Variants in NFE2L3 observed in about 807,000 individuals in gnomAD.
The protein encoded by NFE2L3 is NFE2 like bZIP transcription factor 3.
NFE2L3 carries 18 observed loss-of-function variants against 23.5 expected under a neutral mutation model. The ratio of observed to expected loss-of-function variants is 0.77; its 90% CI spans 0.53 to 1.13. The LOEUF (loss-of-function observed/expected upper bound fraction) is 1.13. Among genes scored for constraint, NFE2L3 ranks in the 50% most tolerant of loss-of-function variants. The pLI, the probability that NFE2L3 is intolerant of heterozygous loss-of-function variation, is 0.00. For missense variants in NFE2L3, 1,152 were observed against 877.2 expected (o/e 1.31, Z -3.96); for synonymous variants, 424 against 354.5 (o/e 1.20, Z -2.20).
intron 2 of NFE2L3, among the ~76,000 whole-genome samples, chr7:26,180,504 A>C (rs1583938177): frequency 6.6e-6 from 1 of 152,324 alleles, no homozygotes; most frequent in South Asian, 2.1e-4. Flanking sequence ...TTTTATATTA[A>C]AATACTGACA....
intron 1 of NFE2L3, among the ~76,000 whole-genome samples, chr7:26,166,763 T>G (rs1443317949): frequency 6.6e-6 from 1 of 152,226 alleles, no homozygotes; most frequent in Non-Finnish European, 1.5e-5. Context: ...TCTCTAGCCC[T>G]GATGACTCTA....
chr7:26,178,588 T>C (rs962549784), intron 2 of NFE2L3, among the ~76,000 whole-genome samples: 1 of 152,208 alleles, frequency 6.6e-6, no homozygotes, highest in Non-Finnish European at 1.5e-5. Context: ...GGCTGAACCG[T>C]TGGGCATCCA....
Position 26,152,331 on chromosome 7 carries a change from C to T in NFE2L3, c.-168C>T, listed in dbSNP as rs963982659. The T allele has an allele frequency of 5.8e-6, 2 of 344,942 alleles. No homozygotes were observed. Among genetic ancestry groups the T allele is most frequent in the African/African-American group, 2.2e-5 (1 of 46,048 alleles). 21.4% of individuals were successfully genotyped at this position (344,942 alleles called of 1,614,324 possible). ...GGCTGCCGAGGGAACGCCTTTGTGC[C>T]CGGTGCTGGGAACCCGCGACGGCCG... On this transcript the variant is annotated 5_prime_UTR_variant, in exon 1 of 4. Transcript: ENST00000056233. The surrounding 1 kb of genome is among the most constrained non-coding windows in gnomAD (Gnocchi z 4.4).
intron 2 of NFE2L3, among the ~76,000 whole-genome samples, chr7:26,181,088 A>C (rs923436015): frequency 3.9e-5 from 6 of 151,936 alleles, no homozygotes; most frequent in Admixed American, 1.3e-4. Context: ...GTGATCTCCC[A>C]CTTCAGCCTC....
chr7:26,158,898 T>C (rs1372144078), intron 1 of NFE2L3, among the ~76,000 whole-genome samples: 1 of 152,174 alleles, frequency 6.6e-6, no homozygotes, highest in Non-Finnish European at 1.5e-5. Context: ...TAAAATGGAA[T>C]AGTAAGAGCA....
At position 26,152,987 on chromosome 7, in the gene NFE2L3, C is replaced by A. The variant is rs1270459642; in HGVS notation, c.489C>A (p.Gly163=). 6.6e-7 allele frequency: 1 copy of A among 1,514,300 alleles called. No homozygotes were observed. The highest frequency in any genetic ancestry group is 2.7e-5 in the East Asian group (1 of 37,374). The allele number at this position is 1,514,300 out of a possible 1,614,324, so 93.8% of individuals were successfully genotyped here. Residue 163 remains glycine, a synonymous_variant, in exon 1 of 4, where the codon GGC becomes GGA. Coordinates refer to ENST00000056233, the MANE Select transcript of NFE2L3 (RefSeq NM_004289.7). This position sits in a 1 kb window ranked among gnomAD's most constrained non-coding sequence, Gnocchi z 4.4. ...GGGDPRAARS[G]PLDAGEEEKA... ...GGGACCCCCGAGCGGCTCGGAGTGG[C>A]CCCTTGGACGCCGGGGAAGAGGAGA...
chr7:26,162,386 A>T (rs1346637034), intron 1 of NFE2L3, among the ~76,000 whole-genome samples: 1 of 152,120 alleles, frequency 6.6e-6, no homozygotes, highest in African/African-American at 2.4e-5. Context: ...AAGAGTGCTG[A>T]TCATTGTTGA....
rs1252987766 is a variant in NFE2L3, at chr7:26,152,405, C to A, written c.-94C>A. On this transcript the variant is annotated 5_prime_UTR_variant, in exon 1 of 4. Coordinates refer to ENST00000056233, the MANE Select transcript of NFE2L3 (RefSeq NM_004289.7). This position sits in a 1 kb window ranked among gnomAD's most constrained non-coding sequence, Gnocchi z 4.4. Reference sequence around the variant, plus strand: ...CGCTTATCTGGGTTCCAGGCAGGTGCGGGCGGCGCGCGGGGTCCGCACGTG... The same window carrying A: ...CGCTTATCTGGGTTCCAGGCAGGTGAGGGCGGCGCGCGGGGTCCGCACGTG... 3 of 899,286 alleles carry A rather than the reference C, an allele frequency of 3.3e-6. No individual in the cohort carries two copies. Among genetic ancestry groups the A allele is most frequent in the East Asian group, 4.3e-5 (1 of 23,374 alleles). 55.7% of individuals were successfully genotyped at this position (899,286 alleles called of 1,614,324 possible). A position where few individuals can be genotyped will look rare whatever the true frequency, so the allele number is the denominator to read the frequency against.
rs1165881019 is a variant in NFE2L3, at chr7:26,185,343, T to G, written c.1645T>G (p.Phe549Val). The change falls in exon 4 of 4, where the codon TTT becomes GTT. Residue 549 changes from phenylalanine to valine, a missense_variant. Coordinates refer to ENST00000056233, the MANE Select transcript of NFE2L3 (RefSeq NM_004289.7). ...EQRAKALHIPFSVDEIVGMPV... is the reference protein window; with the variant it reads ...EQRAKALHIPVSVDEIVGMPV... ...GCGTGCTAAAGCTTTGCATATCCCT[T>G]TTTCTGTAGATGAAATTGTCGGCAT... 2.4e-5 allele frequency: 39 copies of G among 1,614,012 alleles called. No individual in the cohort carries two copies. The highest frequency in any genetic ancestry group is 3.2e-5 in the Non-Finnish European group (38 of 1,179,992).
In NFE2L3 at chr7:26,185,300, CTTGAGCCGTGATGAACAGCGT is replaced by C. The variant is rs1159480390; in HGVS notation, c.1603_1623del (p.Leu535_Arg541del). 4 of 1,614,020 alleles carry C rather than the reference CTTGAGCCGTGATGAACAGCGT, an allele frequency of 2.5e-6. No homozygotes were observed. The highest frequency in any genetic ancestry group is 3.4e-6 in the Non-Finnish European group (4 of 1,180,012). Reference sequence around the variant, plus strand: ...GATACCTTGAAGACACAGATAGAAACTTGAGCCGTGATGAACAGCGTGCTAAAGCTTTGCATATCCCTTTTT... The same window carrying C: ...GATACCTTGAAGACACAGATAGAAACGCTAAAGCTTTGCATATCCCTTTTT... On this transcript the variant is annotated inframe_deletion, in exon 4 of 4. Coordinates refer to ENST00000056233, the MANE Select transcript of NFE2L3 (RefSeq NM_004289.7).
chr7:26,165,122 G>A (rs1215513808), intron 1 of NFE2L3, among the ~76,000 whole-genome samples: 1 of 152,180 alleles, frequency 6.6e-6, no homozygotes, highest in Non-Finnish European at 1.5e-5. Flanking sequence ...GGATTGACTT[G>A]GTAATGCGGG....
rs959452453 is a variant in NFE2L3, at chr7:26,187,061, G to A, written c.*1278G>A. The A allele has an allele frequency of 5.3e-5, 8 of 152,084 alleles. No individual in the cohort carries two copies. Among genetic ancestry groups the A allele is most frequent in the African/African-American group, 1.9e-4 (8 of 41,444 alleles). The allele number at this position is 152,084 out of a possible 1,614,324, so 9.4% of individuals were successfully genotyped here. A position where few individuals can be genotyped will look rare whatever the true frequency, so the allele number is the denominator to read the frequency against. On this transcript the variant is annotated 3_prime_UTR_variant, in exon 4 of 4. Coordinates refer to ENST00000056233, the MANE Select transcript of NFE2L3 (RefSeq NM_004289.7). ...TGTAGAGTATCACATAAGTATCTTG[G>A]GCTAGAGAAATGCAGTTTATATATA...
chr7:26,185,825 T>G lies in NFE2L3; in HGVS notation c.*42T>G. On this transcript the variant is annotated 3_prime_UTR_variant, in exon 4 of 4. Transcript: ENST00000056233. Reference sequence around the variant, plus strand: ...GACTCTATTATGTGAAGTAGTAATGTTCAGAAACTGATTATTTGGATCAGA... The same window carrying G: ...GACTCTATTATGTGAAGTAGTAATGGTCAGAAACTGATTATTTGGATCAGA... 10 of 1,460,410 alleles carry G rather than the reference T, an allele frequency of 6.8e-6. No homozygotes were observed. The highest frequency in any genetic ancestry group is 9.2e-6 in the Non-Finnish European group (10 of 1,084,330). 90.5% of individuals were successfully genotyped at this position (1,460,410 alleles called of 1,614,324 possible).
intron 2 of NFE2L3, among the ~76,000 whole-genome samples, chr7:26,183,044 C>G (rs1782364358): frequency 6.6e-6 from 1 of 151,990 alleles, no homozygotes; most frequent in Admixed American, 6.5e-5. Flanking sequence ...GCTTTGGCCT[C>G]CCAAAGTGCT....
rs1034076365 is a variant in NFE2L3 at position 26,186,396 on chromosome 7, A to G, written c.*613A>G. ...AGGTGAATAACAAATAAGGCAGCATAGCAAACTGCTCAGACTCAAGCCAAA... is the reference window on the plus strand; with the variant it reads ...AGGTGAATAACAAATAAGGCAGCATGGCAAACTGCTCAGACTCAAGCCAAA... On this transcript the variant is annotated 3_prime_UTR_variant, in exon 4 of 4. Transcript: ENST00000056233. 2.0e-5 allele frequency: 3 copies of G among 152,290 alleles called. No individual in the cohort carries two copies. Among genetic ancestry groups the G allele is most frequent in the African/African-American group, 7.2e-5 (3 of 41,470 alleles). The allele number at this position is 152,290 out of a possible 1,614,324, so 9.4% of individuals were successfully genotyped here.
Position 26,152,411 on chromosome 7 carries a change from G to A in NFE2L3, c.-88G>A, listed in dbSNP as rs1247642431. On this transcript the variant is annotated 5_prime_UTR_variant, in exon 1 of 4. Transcript: ENST00000056233. This position sits in a 1 kb window ranked among gnomAD's most constrained non-coding sequence, Gnocchi z 4.4. The stretch of plus-strand genomic sequence containing the variant: ...TCTGGGTTCCAGGCAGGTGCGGGCG[G>A]CGCGCGGGGTCCGCACGTGTCACCC... 4.1e-6 allele frequency: 4 copies of A among 969,050 alleles called. No individual in the cohort carries two copies. In the East Asian group the frequency reaches 1.2e-4, roughly 30 times the overall value. 60.0% of individuals were successfully genotyped at this position (969,050 alleles called of 1,614,324 possible).
At chr7:26,164,245 A>G (rs1459127485) in intron 1 of NFE2L3, among the ~76,000 whole-genome samples, 26 of 152,198 alleles carry the variant, frequency 1.7e-4, no homozygotes, top group Non-Finnish European at 3.8e-4. Flanking sequence ...GACTTCCACA[A>G]TGGTTGAACT....
At chr7:26,160,573 G>A (rs1784152031) in intron 1 of NFE2L3, among the ~76,000 whole-genome samples, 1 of 152,206 alleles carries the variant, frequency 6.6e-6, no homozygotes, top group African/African-American at 2.4e-5. Flanking sequence ...CAGAAACTCT[G>A]GAAGCTCCGC....
Position 26,185,556 on chromosome 7 carries a change from C to G in NFE2L3, c.1858C>G (p.Leu620Val). 5.0e-6 allele frequency: 8 copies of G among 1,613,800 alleles called. No individual in the cohort carries two copies. The South Asian group carries it at 8.8e-5, about 18-fold the overall frequency. ...VCNLQAKKET[L>V]KREQAQCNKA... ...TAACTTGCAAGCAAAGAAGGAAACT[C>G]TTAAGAGAGAGCAAGCACAATGTAA... The change falls in exon 4 of 4, where the codon CTT (leucine) becomes GTT (valine). Residue 620 changes from leucine (L) to valine (V), a missense_variant. Transcript: ENST00000056233.
Sources: allele counts gnomAD v4.1 joint callset (sites outside exome capture counted in the v4.1 genomes callset), GRCh38; gene constraint gnomAD v4.1.1; non-coding constraint Gnocchi (gnomAD v3.1); transcripts MANE v1.5; gene names NCBI Gene and HGNC (gene_info 2026-07-23, HGNC 2026-07-21).